LRRTM4: variants seen among roughly 807,000 people sequenced by gnomAD.
The protein encoded by LRRTM4 is leucine rich repeat transmembrane neuronal 4, also known as leucine-rich repeat transmembrane neuronal protein 4.
A neutral mutation model predicts 47.6 loss-of-function variants in LRRTM4; 25 were observed. That is an observed-to-expected ratio of 0.53 (90% CI 0.38 to 0.73). LRRTM4 has a LOEUF of 0.73. LRRTM4 is among the 30% of genes least tolerant of loss of function. The probability of loss-of-function intolerance (pLI) is 0.00; values close to 1 mark genes in which losing one functional copy is unlikely to be tolerated. For synonymous variants in LRRTM4, 311 were observed against 269.5 expected (o/e 1.15, Z -1.51); for missense variants, 638 against 713.4 (o/e 0.89, Z 1.20).
intron 3 of LRRTM4, among the ~76,000 whole-genome samples, chr2:77,002,835 A>G: frequency 6.6e-6 from 1 of 152,082 alleles, no homozygotes; most frequent in Non-Finnish European, 1.5e-5. Flanking sequence ...CTCTCCCATC[A>G]ATACTCTTCA....
intron 3 of LRRTM4, among the ~76,000 whole-genome samples, chr2:77,247,603 T>C (rs1317341023): frequency 1.3e-5 from 2 of 152,078 alleles, no homozygotes; most frequent in Non-Finnish European, 2.9e-5. Flanking sequence ...TAACTCTAAA[T>C]TGACTCTTAT....
chr2:76,790,123 A>G (rs1674895695), intron 3 of LRRTM4, among the ~76,000 whole-genome samples: 1 of 152,180 alleles, frequency 6.6e-6, no homozygotes, highest in Non-Finnish European at 1.5e-5. Context: ...GTTTACTTTT[A>G]GAATTACCAA....
chr2:77,466,963 G>T (rs539908573), intron 3 of LRRTM4, among the ~76,000 whole-genome samples: 2 of 152,052 alleles, frequency 1.3e-5, no homozygotes, highest in South Asian at 4.2e-4. Flanking sequence ...CCTCCCAAGT[G>T]CTGGGATTGC....
chr2:77,507,979 AT>A (rs1426793489), intron 3 of LRRTM4, among the ~76,000 whole-genome samples: 2 of 152,134 alleles, frequency 1.3e-5, no homozygotes, highest in African/African-American at 4.8e-5. Context: ...AATCCATTAA[AT>A]TCATACTTGA....
chr2:77,273,884 A>G (rs2104078054), intron 3 of LRRTM4, among the ~76,000 whole-genome samples: 1 of 152,148 alleles, frequency 6.6e-6, no homozygotes, highest in Non-Finnish European at 1.5e-5. Context: ...CTTAACCAGC[A>G]TTTTCTTCTT....
intron 3 of LRRTM4, among the ~76,000 whole-genome samples, chr2:76,975,705 A>C (rs762853452): frequency 6.6e-6 from 1 of 151,886 alleles, no homozygotes; most frequent in East Asian, 1.9e-4. Context: ...AAAAATATTT[A>C]CTATTGGACC....
intron 3 of LRRTM4, among the ~76,000 whole-genome samples, chr2:77,362,137 G>GA (rs199907455): frequency 0.1 from 13,535 of 131,294 alleles, 916 homozygotes; most frequent in Non-Finnish European, 0.16. Flanking sequence ...AAGAAAGAAA[G>GA]AAAGAAAGAA....
At chr2:77,261,769 C>A (rs565431428) in intron 3 of LRRTM4, among the ~76,000 whole-genome samples, 1 of 152,086 alleles carries the variant, frequency 6.6e-6, no homozygotes, top group South Asian at 2.1e-4. Context: ...AAATACAGTT[C>A]CCTGTATACA....
At chr2:76,780,987 C>T (rs1674351068) in intron 3 of LRRTM4, among the ~76,000 whole-genome samples, 1 of 152,330 alleles carries the variant, frequency 6.6e-6, no homozygotes, top group East Asian at 1.9e-4. Flanking sequence ...CAGAGAGGAC[C>T]CTCAGCTGCA....
intron 3 of LRRTM4, among the ~76,000 whole-genome samples, chr2:76,896,161 A>G (rs1573273139): frequency 6.6e-6 from 1 of 152,078 alleles, no homozygotes; most frequent in Non-Finnish European, 1.5e-5. Flanking sequence ...GTAAGTATTT[A>G]AAGTGTCTTA....
chr2:77,113,049 G>C (rs1438495555), intron 3 of LRRTM4, among the ~76,000 whole-genome samples: 1 of 152,108 alleles, frequency 6.6e-6, no homozygotes, highest in African/African-American at 2.4e-5. Context: ...TTGGCCTGGG[G>C]TGCGTAATTT....
chr2:76,979,333 GA>G (rs1264548137), intron 3 of LRRTM4, among the ~76,000 whole-genome samples: 1 of 151,854 alleles, frequency 6.6e-6, no homozygotes, highest in East Asian at 1.9e-4. Context: ...AGGAAAAGCA[GA>G]TCTCACTTTC....
intron 3 of LRRTM4, among the ~76,000 whole-genome samples, chr2:77,045,807 T>G (rs568104666): frequency 6.6e-6 from 1 of 151,960 alleles, no homozygotes; most frequent in Non-Finnish European, 1.5e-5. Context: ...ATCAGCAGCA[T>G]GAAAATGGAC....
rs186586132 is a variant in LRRTM4 at position 77,285,522 on chromosome 2, G to A, written c.1551+232796C>T. 1.5e-3 allele frequency among the ~76,000 whole-genome samples: 228 copies of A among 151,438 alleles called. 1 individual carries two copies. Among genetic ancestry groups the A allele is most frequent in the African/African-American group, 5.1e-3 (212 of 41,338 alleles). On this transcript the variant is annotated intron_variant, in intron 3 of 3. Coordinates refer to ENST00000409884, the MANE Select transcript of LRRTM4 (RefSeq NM_001134745.3). ...TTTGGGAGACTGAGGCGGGCAGATC[G>A]CCTGAGGTCAGGAGTTCAAGACTAG...
chr2:77,217,367 ATT>A (rs1674480304), intron 3 of LRRTM4, among the ~76,000 whole-genome samples: 1 of 17,804 alleles, frequency 5.6e-5, no homozygotes, highest in African/African-American at 6.3e-4. Context: ...AATTATATTA[ATT>A]TATTAATTTA....
At chr2:76,889,991 A>T (rs1673200562) in intron 3 of LRRTM4, among the ~76,000 whole-genome samples, 1 of 151,982 alleles carries the variant, frequency 6.6e-6, no homozygotes, top group South Asian at 2.1e-4. Context: ...GTGCAGGGAT[A>T]TACATAGAGT....
At chr2:76,897,837 G>C (rs559263114) in intron 3 of LRRTM4, among the ~76,000 whole-genome samples, 1 of 152,026 alleles carries the variant, frequency 6.6e-6, no homozygotes, top group African/African-American at 2.4e-5. Context: ...CTCCATTCCT[G>C]CCTGGCCAAT....
rs1308207388 is a variant in LRRTM4, at chr2:77,309,704, TAGATA to T, written c.1551+208609_1551+208613del. Among the ~76,000 whole-genome samples the T allele has an allele frequency of 4.2e-4, 64 of 151,552 alleles. 1 individual carries two copies. The highest frequency in any genetic ancestry group is 2.9e-4 in the Non-Finnish European group (20 of 67,902). On this transcript the variant is annotated intron_variant, in intron 3 of 3. Coordinates refer to ENST00000409884, the MANE Select transcript of LRRTM4 (RefSeq NM_001134745.3). ...GATGATAGATAGATAGATAGATAGA[TAGATA>T]GATAGATAGATAGATAGATAGATAT...
At chr2:76,902,867 C>G (rs1372870230) in intron 3 of LRRTM4, among the ~76,000 whole-genome samples, 1 of 152,036 alleles carries the variant, frequency 6.6e-6, no homozygotes, top group Non-Finnish European at 1.5e-5. Context: ...TTCGAAAATG[C>G]TATCATGTTC....
Sources: allele counts gnomAD v4.1 joint callset (sites outside exome capture counted in the v4.1 genomes callset), GRCh38; gene constraint gnomAD v4.1.1; transcripts MANE v1.5; gene names NCBI Gene and HGNC (gene_info 2026-07-23, HGNC 2026-07-21).